Variants in BAZ1A observed in about 807,000 individuals in gnomAD.
BAZ1A encodes bromodomain adjacent to zinc finger domain 1A, also known as bromodomain adjacent to zinc finger domain protein 1A.
Under a neutral mutation model 185.2 loss-of-function variants are expected in BAZ1A, and 50 were observed. That is an observed-to-expected ratio of 0.27 (90% CI 0.22 to 0.34). The LOEUF (loss-of-function observed/expected upper bound fraction) is 0.34, where lower values mean the gene tolerates loss of function less well. Ranked by LOEUF, BAZ1A falls within the 10% of genes least tolerant of loss-of-function variation. The pLI, the probability that BAZ1A is intolerant of heterozygous loss-of-function variation, is 1.00. For missense variants in BAZ1A, 1,356 were observed against 1,839.9 expected, an observed-to-expected ratio of 0.74 and a Z score of 4.81; for synonymous variants, 571 against 615.6, an observed-to-expected ratio of 0.93 and a Z score of 1.07.
intron 16 of BAZ1A, among the ~76,000 whole-genome samples, chr14:34,782,884 A>C (rs1006682571): frequency 1.3e-5 from 2 of 152,182 alleles, no homozygotes; most frequent in Non-Finnish European, 2.9e-5. Flanking sequence ...CTGTTCCTCT[A>C]TACAGCACAG....
Position 34,815,013 on chromosome 14 carries a change from A to G in BAZ1A, c.537-3977T>C, listed in dbSNP as rs2041984871. Among the ~76,000 whole-genome samples the G allele has an allele frequency of 2.6e-5, 4 of 151,856 alleles. No homozygotes were observed. In the South Asian group the frequency reaches 8.3e-4, roughly 32 times the overall value. Reference sequence around the variant, plus strand: ...TGGTCTCGAACTCCTGACCTCAGGTAATCCACCCACCTTGGCCTCCCAAAG... The same window carrying G: ...TGGTCTCGAACTCCTGACCTCAGGTGATCCACCCACCTTGGCCTCCCAAAG... On this transcript the variant is annotated intron_variant, in intron 4 of 26. Transcript: ENST00000360310.
At chr14:34,867,779 C>A (rs961262165) in intron 2 of BAZ1A, among the ~76,000 whole-genome samples, 1 of 152,178 alleles carries the variant, frequency 6.6e-6, no homozygotes, top group African/African-American at 2.4e-5. Flanking sequence ...AACCCCCTAA[C>A]AGCACAGCAC....
At chr14:34,770,949 GT>G (rs1879176434) in intron 21 of BAZ1A, among the ~76,000 whole-genome samples, 1 of 145,400 alleles carries the variant, frequency 6.9e-6, no homozygotes, top group Non-Finnish European at 1.5e-5. Flanking sequence ...AAAAAAAAAA[GT>G]TACACATAAT....
At chr14:34,869,489 A>G (rs1390309053) in intron 2 of BAZ1A, among the ~76,000 whole-genome samples, 5 of 152,026 alleles carry the variant, frequency 3.3e-5, no homozygotes, top group African/African-American at 9.6e-5. Context: ...CCTGAGGGCA[A>G]GTGTAGGAAA....
chr14:34,852,563 G>C (rs1404494676), intron 3 of BAZ1A, among the ~76,000 whole-genome samples: 1 of 152,060 alleles, frequency 6.6e-6, no homozygotes, highest in Non-Finnish European at 1.5e-5. Context: ...AAGTCGCAGG[G>C]AGCCAAGATT....
chr14:34,785,657 CTTTCTCTT>C (rs944820890), intron 14 of BAZ1A, 112 bp downstream of exon 14: 11 of 744,574 alleles, frequency 1.5e-5, no homozygotes, highest in Non-Finnish European at 2.1e-6. Flanking sequence ...CAATAGTTTG[CTTTCTCTT>C]TTTCTCTTTT....
chr14:34,847,275 G>A (rs1352794502), intron 3 of BAZ1A, among the ~76,000 whole-genome samples: 1 of 151,644 alleles, frequency 6.6e-6, no homozygotes, highest in African/African-American at 2.4e-5. Flanking sequence ...AGGGTCATCA[G>A]GGTTTACTGA....
chr14:34,869,977 T>TA (rs2042924898), intron 2 of BAZ1A, among the ~76,000 whole-genome samples: 1 of 152,134 alleles, frequency 6.6e-6, no homozygotes, highest in Non-Finnish European at 1.5e-5. Flanking sequence ...CTGAGGCTCT[T>TA]ACTCCAACCT....
At chr14:34,760,745 G>A (rs953537737) in intron 24 of BAZ1A, among the ~76,000 whole-genome samples, 10 of 152,020 alleles carry the variant, frequency 6.6e-5, no homozygotes, top group African/African-American at 2.4e-4. Flanking sequence ...GCAGCTGCTT[G>A]TGAGGCTGGG....
rs1879388985 is a variant in BAZ1A at position 34,773,666 on chromosome 14, C to T, written c.3058G>A (p.Glu1020Lys). The change falls in exon 20 of 27, where the codon GAG becomes AAG. Residue 1020 changes from glutamate to lysine, a missense_variant. Glu to Lys is a moderately conservative substitution (Grantham distance 56). Around this residue, in one of 7 missense-constraint regions of BAZ1A, gnomAD observed 434 missense variants for 561.7 expected, o/e 0.77. Coordinates refer to ENST00000360310, the MANE Select transcript of BAZ1A (RefSeq NM_013448.3). ...LESGRYELLS[E>K]ENKENGIIKT... ...ATTATCCCATTTTCCTTGTTTTCCT[C>T]ACTTAACAGCTCATACCGTCCACTT... 2 of 1,613,474 alleles carry T rather than the reference C, an allele frequency of 1.2e-6. No homozygotes were observed. The highest frequency in any genetic ancestry group is 1.7e-6 in the Non-Finnish European group (2 of 1,179,644).
At chr14:34,854,289 G>C (rs573371468) in intron 3 of BAZ1A, among the ~76,000 whole-genome samples, 58 of 152,212 alleles carry the variant, frequency 3.8e-4, no homozygotes, top group African/African-American at 1.4e-3. Context: ...GGTCATGGTG[G>C]TGGATGCCTG....
intron 21 of BAZ1A, among the ~76,000 whole-genome samples, chr14:34,769,612 TC>T (rs998859033): frequency 2.6e-5 from 4 of 152,086 alleles, no homozygotes; most frequent in African/African-American, 9.7e-5. Flanking sequence ...AATTTGATTT[TC>T]CCCCCTTCAA....
chr14:34,863,305 A>C (rs1343436919), intron 2 of BAZ1A, among the ~76,000 whole-genome samples: 2 of 151,562 alleles, frequency 1.3e-5, no homozygotes, highest in Admixed American at 6.6e-5. Context: ...CTGGGATTAC[A>C]GGCATGTGCC....
intron 3 of BAZ1A, among the ~76,000 whole-genome samples, chr14:34,843,373 G>C (rs2042447926): frequency 6.6e-6 from 1 of 152,128 alleles, no homozygotes; most frequent in Non-Finnish European, 1.5e-5. Flanking sequence ...GCACTTTGGG[G>C]CTTGCTCTCT....
intron 3 of BAZ1A, among the ~76,000 whole-genome samples, chr14:34,846,979 G>A (rs1343212095): frequency 6.6e-6 from 1 of 152,162 alleles, no homozygotes; most frequent in African/African-American, 2.4e-5. Context: ...AGCCGGGCAT[G>A]GTGGCTCACA....
intron 3 of BAZ1A, among the ~76,000 whole-genome samples, chr14:34,858,893 C>G (rs1391819153): frequency 1.3e-5 from 2 of 152,016 alleles, no homozygotes; most frequent in East Asian, 3.8e-4. Context: ...GAAATAAATT[C>G]CAGACAAAGA....
intron 3 of BAZ1A, among the ~76,000 whole-genome samples, chr14:34,857,351 T>C (rs1168285602): frequency 6.6e-6 from 1 of 152,192 alleles, no homozygotes; most frequent in Non-Finnish European, 1.5e-5. Flanking sequence ...TCACCCTAGC[T>C]GGAGTGTAGT....
At chr14:34,799,738 C>T (rs141563511) in intron 9 of BAZ1A, among the ~76,000 whole-genome samples, 700 of 151,946 alleles carry the variant, frequency 4.6e-3, no homozygotes, top group Non-Finnish European at 7.5e-3. Context: ...CAGCCTCCTT[C>T]GTAGTTGGGA....
At position 34,776,246 on chromosome 14, in the gene BAZ1A, T is replaced by C; in HGVS notation, c.2506A>G (p.Met836Val). 6.2e-7 allele frequency: 1 copy of C among 1,614,016 alleles called. No homozygotes were observed. Residue 836 changes from methionine to valine, a missense_variant, in exon 18 of 27, where the codon ATG becomes GTG. Around this residue, in one of 7 missense-constraint regions of BAZ1A, gnomAD observed 434 missense variants for 561.7 expected, o/e 0.77. Transcript: ENST00000360310. ...AATGATGAAGGTCTAGGCAACAGCA[T>C]GTCTTCAGTAAGACCAGAATAATCC... is the stretch of plus-strand genomic sequence containing the variant. ...EEDYSGLTEDMLLPRPSSFQN... is the reference protein window; with the variant it reads ...EEDYSGLTEDVLLPRPSSFQN...
Sources: gnomAD v4.1 joint callset for allele counts (sites outside exome capture counted in the v4.1 genomes callset) on GRCh38, gnomAD v4.1.1 for gene constraint, gnomAD v4.1.1 regional missense constraint, MANE v1.5 for transcripts, NCBI Gene and HGNC (gene_info 2026-07-23, HGNC 2026-07-21) for gene names.